The following CADPS variants were observed in gnomAD, a reference collection of about 807,000 sequenced individuals.
CADPS encodes the protein calcium dependent secretion activator.
A neutral mutation model predicts 167.3 loss-of-function variants in CADPS; 57 were observed. The ratio of observed to expected loss-of-function variants is 0.34; its 90% confidence interval spans 0.28 to 0.42. CADPS has a LOEUF of 0.42. CADPS is among the 20% of genes least tolerant of loss of function. The pLI is 1.00. For synonymous variants in CADPS, 676 were observed against 635.3 expected, an observed-to-expected ratio of 1.06 and a Z score of -0.96; for missense variants, 1,414 against 1,738.1, an observed-to-expected ratio of 0.81 and a Z score of 3.32.
chr3:62,750,520 TG>T (rs140677492), intron 3 of CADPS, among the ~76,000 whole-genome samples: 1 of 152,294 alleles, frequency 6.6e-6, no homozygotes, highest in East Asian at 1.9e-4. Context: ...CATATCCCAT[TG>T]TTTTGATGGT....
intron 3 of CADPS, among the ~76,000 whole-genome samples, chr3:62,684,941 C>G (rs1167980970): frequency 6.6e-6 from 1 of 152,012 alleles, no homozygotes; most frequent in Non-Finnish European, 1.5e-5. Flanking sequence ...GTGAAAGGAA[C>G]TGTAAGAAAA....
chr3:62,699,421 C>A (rs2080980720), intron 3 of CADPS, among the ~76,000 whole-genome samples: 1 of 152,128 alleles, frequency 6.6e-6, no homozygotes, highest in South Asian at 2.1e-4. Context: ...GGGTTCTCAC[C>A]CCCAGAGATT....
At chr3:62,810,798 C>A (rs1318073435) in intron 1 of CADPS, among the ~76,000 whole-genome samples, 1 of 152,354 alleles carries the variant, frequency 6.6e-6, no homozygotes, top group Admixed American at 6.5e-5. Flanking sequence ...TCCCGGTCCA[C>A]AAGTAGAAAT....
At chr3:62,585,348 A>G in intron 7 of CADPS, 24 bp from the exon 8 acceptor site, 2 of 1,591,238 alleles carry the variant, frequency 1.3e-6, no homozygotes, top group South Asian at 1.1e-5. Flanking sequence ...AGGACAAGCA[A>G]CTAGAAAAGA....
At chr3:62,827,259 GA>G (rs199543782) in intron 1 of CADPS, among the ~76,000 whole-genome samples, 156 of 152,264 alleles carry the variant, frequency 1.0e-3, no homozygotes, top group East Asian at 8.1e-3. Context: ...AGTGAAGTGT[GA>G]AAAACAAGTC....
At chr3:62,533,121 G>C (rs1424545036) in intron 12 of CADPS, 63 bp from the exon 13 acceptor site, 55 of 1,447,364 alleles carry the variant, frequency 3.8e-5, no homozygotes, top group Non-Finnish European at 3.2e-5. Flanking sequence ...AGAGCTGCTA[G>C]AGTTGGGAGT....
chr3:62,790,535 T>G (rs1018241877), intron 1 of CADPS, among the ~76,000 whole-genome samples: 1 of 152,104 alleles, frequency 6.6e-6, no homozygotes, highest in African/African-American at 2.4e-5. Context: ...TAGAGGCAAA[T>G]AGTACAGTGG....
chr3:62,844,230 A>G (rs943939930), intron 1 of CADPS, among the ~76,000 whole-genome samples: 5 of 152,172 alleles, frequency 3.3e-5, no homozygotes, highest in African/African-American at 1.2e-4. Flanking sequence ...AGCACAAACT[A>G]GTTCATTTAG....
chr3:62,478,566 C>T lies in CADPS; in HGVS notation c.3174-150G>A, dbSNP rs945880121. The T allele has an allele frequency of 1.4e-6, 1 of 699,504 alleles. No homozygotes were observed. The highest frequency in any genetic ancestry group is 1.9e-5 in the South Asian group (1 of 52,646). The allele number at this position is 699,504 out of a possible 1,614,324, so 43.3% of individuals were successfully genotyped here. A position where few individuals can be genotyped will look rare whatever the true frequency, so the allele number is the denominator to read the frequency against. ...GGCGGTGGAGGCGGGGGCGAGTCTC[C>T]ACCGGCAGATTTTGAGTTTTACCAT... On this transcript the variant is annotated intron_variant, in intron 22 of 29. Coordinates refer to ENST00000383710, the MANE Select transcript of CADPS (RefSeq NM_003716.4). This position sits in a 1 kb window ranked among gnomAD's most constrained non-coding sequence, Gnocchi z 5.7.
chr3:62,675,542 G>A lies in CADPS; in HGVS notation c.889-13148C>T, dbSNP rs550917530. Among the ~76,000 whole-genome samples, 5 of 152,204 alleles carry A rather than the reference G, an allele frequency of 3.3e-5. No homozygotes were observed. In the East Asian group the frequency reaches 9.7e-4, roughly 29 times the overall value. On this transcript the variant is annotated intron_variant, in intron 3 of 29. Coordinates refer to ENST00000383710, the MANE Select transcript of CADPS (RefSeq NM_003716.4). ...GCTTAGAGGAGGGAAATAGAAGAAA[G>A]TAGTAATCTCCTCTGAGAGAGAAAC...
At chr3:62,584,465 C>G (rs1048835139) in intron 8 of CADPS, among the ~76,000 whole-genome samples, 31 of 152,334 alleles carry the variant, frequency 2.0e-4, no homozygotes, top group African/African-American at 7.0e-4. Context: ...CCAAACACTC[C>G]ATTCCCTTCT....
intron 3 of CADPS, among the ~76,000 whole-genome samples, chr3:62,671,182 A>G (rs1394816858): frequency 2.6e-5 from 4 of 152,200 alleles, no homozygotes; most frequent in African/African-American, 4.8e-5. Flanking sequence ...ACTTAGCATC[A>G]TGTCCCAAAT....
At chr3:62,741,877 C>T (rs571162445) in intron 3 of CADPS, among the ~76,000 whole-genome samples, 3 of 152,294 alleles carry the variant, frequency 2.0e-5, no homozygotes, top group African/African-American at 7.2e-5. Context: ...ATAAATCCCA[C>T]ACAGTCTCAG....
intron 1 of CADPS, among the ~76,000 whole-genome samples, chr3:62,847,274 T>A (rs954393186): frequency 1.6e-5 from 2 of 121,466 alleles, no homozygotes; most frequent in Admixed American, 8.4e-5. Context: ...TTTTTTTTTT[T>A]TTTTAACTTT....
At position 62,602,664 on chromosome 3, in the gene CADPS, A is replaced by C. The variant is rs377072790; in HGVS notation, c.1326-9916T>G. Among the ~76,000 whole-genome samples the C allele has an allele frequency of 6.6e-6, 1 of 152,164 alleles. No individual in the cohort carries two copies. Among genetic ancestry groups the C allele is most frequent in the African/African-American group, 2.4e-5 (1 of 41,426 alleles). ...AGAAAAGCTAAGCTACCTCTCATCT[A>C]CATAAGTGAGGCGTTTGCTTTGTAG... On this transcript the variant is annotated intron_variant, in intron 6 of 29. Coordinates refer to ENST00000383710, the MANE Select transcript of CADPS (RefSeq NM_003716.4). This position sits in a 1 kb window ranked among gnomAD's most constrained non-coding sequence, Gnocchi z 4.4.
rs1370015308 is a variant in CADPS, at chr3:62,614,357, T to G, written c.1326-21609A>C. ...TGTTCAAGTCCCACTCTTATCCACT[T>G]TACTCTGATGAATCCACTGCAGGAT... On this transcript the variant is annotated intron_variant, in intron 6 of 29. Coordinates refer to ENST00000383710, the MANE Select transcript of CADPS (RefSeq NM_003716.4). Among the ~76,000 whole-genome samples, 3 of 152,292 alleles carry G rather than the reference T, an allele frequency of 2.0e-5. No homozygotes were observed. In the East Asian group the frequency reaches 5.8e-4, roughly 29 times the overall value.
chr3:62,431,286 A>G (rs1001141157), intron 28 of CADPS, among the ~76,000 whole-genome samples: 3 of 152,126 alleles, frequency 2.0e-5, no homozygotes, highest in African/African-American at 7.2e-5. Context: ...CCTCTGATTT[A>G]CCCACCCAGC....
intron 6 of CADPS, among the ~76,000 whole-genome samples, chr3:62,620,596 A>G (rs775605426): frequency 8.5e-5 from 13 of 152,182 alleles, no homozygotes; most frequent in Non-Finnish European, 1.5e-4. Flanking sequence ...ACTGATGTCC[A>G]AAGAAGTCAG....
At chr3:62,572,122 T>G (rs1177975401) in intron 8 of CADPS, among the ~76,000 whole-genome samples, 2 of 152,226 alleles carry the variant, frequency 1.3e-5, no homozygotes, top group African/African-American at 4.8e-5. Flanking sequence ...ATTTCTGCTT[T>G]GGAACATAAT....
Sources: gnomAD v4.1 joint callset for allele counts (sites outside exome capture counted in the v4.1 genomes callset) on GRCh38, gnomAD v4.1.1 for gene constraint, Gnocchi (gnomAD v3.1) non-coding constraint, MANE v1.5 for transcripts, NCBI Gene and HGNC (gene_info 2026-07-23, HGNC 2026-07-21) for gene names.